TRDN: variants seen among roughly 807,000 people sequenced by gnomAD.
TRDN encodes the protein triadin, also known as triadin in skeletal muscle.
In TRDN, 161 loss-of-function variants were observed where a neutral mutation model predicts 149.7. The ratio of observed to expected loss-of-function variants is 1.08; its 90% CI spans 0.95 to 1.23. The LOEUF is 1.23. Ranked by LOEUF, TRDN falls within the 50% of genes most tolerant of loss-of-function variation. TRDN has a pLI of 0.00. For missense variants in TRDN, 896 were observed against 823.5 expected, an observed-to-expected ratio of 1.09 and a Z score of -1.08; for synonymous variants, 294 against 250.5, an observed-to-expected ratio of 1.17 and a Z score of -1.64.
intron 12 of TRDN, among the ~76,000 whole-genome samples, chr6:123,394,408 A>T (rs1772636992): frequency 6.6e-6 from 1 of 152,096 alleles, no homozygotes; most frequent in African/African-American, 2.4e-5. Context: ...TTCACATTTG[A>T]CTTAGTATGG....
intron 5 of TRDN, among the ~76,000 whole-genome samples, chr6:123,523,510 C>T (rs1198927346): frequency 6.6e-6 from 1 of 152,080 alleles, no homozygotes; most frequent in African/African-American, 2.4e-5. Flanking sequence ...AGCACTGGGG[C>T]ACCAACAAAT....
intron 37 of TRDN, among the ~76,000 whole-genome samples, chr6:123,254,316 G>A (rs7450294): frequency 6.6e-6 from 1 of 151,996 alleles, no homozygotes; most frequent in Admixed American, 6.6e-5. Flanking sequence ...TTTTACGTGT[G>A]AAAGGTATGT....
chr6:123,632,231 G>T (rs1351677256), intron 1 of TRDN, among the ~76,000 whole-genome samples: 1 of 152,040 alleles, frequency 6.6e-6, no homozygotes. Flanking sequence ...CTATGGTGTA[G>T]ATTTTGGCAT....
intron 26 of TRDN, among the ~76,000 whole-genome samples, chr6:123,277,314 T>C (rs1043981888): frequency 1.3e-5 from 2 of 152,070 alleles, no homozygotes; most frequent in Admixed American, 1.3e-4. Context: ...TTTAGAAATG[T>C]TGGGATGGGG....
intron 12 of TRDN, among the ~76,000 whole-genome samples, chr6:123,405,355 C>A (rs962554788): frequency 2.6e-5 from 4 of 152,226 alleles, no homozygotes; most frequent in Non-Finnish European, 5.9e-5. Context: ...ACTTTTACAG[C>A]TACTAGGCTT....
At chr6:123,381,328 T>TAA in intron 16 of TRDN, 42 bp downstream of exon 16, 11 of 1,231,942 alleles carry the variant, frequency 8.9e-6, no homozygotes, top group South Asian at 1.6e-5. Context: ...ATAATAGTAG[T>TAA]AAAAAAAAAA....
Position 123,556,581 on chromosome 6 carries a change from CCT to C in TRDN, c.233-7971_233-7970del, listed in dbSNP as rs536638939. Among the ~76,000 whole-genome samples the C allele has an allele frequency of 4.2e-3, 630 of 150,604 alleles. 4 individuals carry two copies. The highest frequency in any genetic ancestry group is 0.014 in the Middle Eastern group (4 of 294). ...TTCAGTCTCTCTTTCTCTATTTCCT[CCT>C]CTTTCTCTTCTTCCTCCTCCTCCTT... On this transcript the variant is annotated intron_variant, in intron 2 of 40. Coordinates refer to ENST00000334268, the MANE Select transcript of TRDN (RefSeq NM_006073.4).
chr6:123,497,281 G>T, intron 8 of TRDN, 29 bp from the exon 9 acceptor site: 1 of 1,449,538 alleles, frequency 6.9e-7, no homozygotes, highest in South Asian at 1.4e-5. Context: ...AAAGAGCAAT[G>T]AAAAAATGTC....
chr6:123,563,990 A>C (rs892564137), intron 2 of TRDN, among the ~76,000 whole-genome samples: 7 of 152,204 alleles, frequency 4.6e-5, no homozygotes, highest in Admixed American at 1.3e-4. Flanking sequence ...TTCAAAAGAG[A>C]ATTTTAAGAC....
chr6:123,419,493 C>T (rs1311842291), intron 12 of TRDN, among the ~76,000 whole-genome samples: 2 of 152,110 alleles, frequency 1.3e-5, no homozygotes, highest in Non-Finnish European at 2.9e-5. Context: ...CCTGCCTCAG[C>T]CTCCAAAGTA....
intron 24 of TRDN, among the ~76,000 whole-genome samples, chr6:123,302,344 A>G (rs1246549348): frequency 6.6e-6 from 1 of 152,092 alleles, no homozygotes; most frequent in Non-Finnish European, 1.5e-5. Context: ...ATGTTCTTCT[A>G]GCTAAATATG....
chr6:123,529,273 C>T, intron 5 of TRDN: 2 of 1,548,986 alleles, frequency 1.3e-6, no homozygotes, highest in East Asian at 2.4e-5. Context: ...TCAATCCGTA[C>T]TCAAGAGCTG....
chr6:123,441,728 C>A (rs946042630), intron 10 of TRDN, among the ~76,000 whole-genome samples: 1 of 152,180 alleles, frequency 6.6e-6, no homozygotes, highest in Admixed American at 6.5e-5. Flanking sequence ...AGACAATACA[C>A]AATATTTAAT....
intron 24 of TRDN, among the ~76,000 whole-genome samples, chr6:123,291,739 G>GC (rs1562248167): frequency 2.0e-5 from 3 of 152,186 alleles, no homozygotes; most frequent in African/African-American, 7.2e-5. Flanking sequence ...TTTACAAATG[G>GC]CCTAAATATC....
chr6:123,593,047 G>A (rs1222656916), intron 1 of TRDN, among the ~76,000 whole-genome samples: 2 of 152,106 alleles, frequency 1.3e-5, no homozygotes, highest in Non-Finnish European at 2.9e-5. Context: ...TTTTACCCAT[G>A]TTACTTCTAA....
At chr6:123,353,294 A>G (rs1257667908) in intron 20 of TRDN, among the ~76,000 whole-genome samples, 1 of 151,890 alleles carries the variant, frequency 6.6e-6, no homozygotes, top group Non-Finnish European at 1.5e-5. Context: ...GCACCCAAAT[A>G]TCACCCCACA....
intron 1 of TRDN, among the ~76,000 whole-genome samples, chr6:123,586,200 A>T (rs1783470091): frequency 6.6e-6 from 1 of 152,142 alleles, no homozygotes; most frequent in South Asian, 2.1e-4. Flanking sequence ...CACCTTTTTA[A>T]GAGTAAATTG....
intron 1 of TRDN, among the ~76,000 whole-genome samples, chr6:123,620,980 C>T (rs951500594): frequency 6.6e-6 from 1 of 152,074 alleles, no homozygotes; most frequent in Non-Finnish European, 1.5e-5. Context: ...AACCTAGTGA[C>T]AATGGAGATT....
intron 29 of TRDN, among the ~76,000 whole-genome samples, chr6:123,272,447 A>G (rs2114614781): frequency 6.6e-6 from 1 of 151,972 alleles, no homozygotes; most frequent in African/African-American, 2.4e-5. Flanking sequence ...TTTTACAAGC[A>G]GAACATATTA....
Sources: allele counts gnomAD v4.1 joint callset (sites outside exome capture counted in the v4.1 genomes callset), GRCh38; gene constraint gnomAD v4.1.1; transcripts MANE v1.5; gene names NCBI Gene and HGNC (gene_info 2026-07-23, HGNC 2026-07-21).